TECRL: variants seen among roughly 807,000 people sequenced by gnomAD.
TECRL encodes the protein trans-2,3-enoyl-CoA reductase-like.
A neutral mutation model predicts 52.8 loss-of-function variants in TECRL; 63 were observed. The ratio of observed to expected loss-of-function variants is 1.19; its 90% CI spans 0.97 to 1.47. The LOEUF (loss-of-function observed/expected upper bound fraction) is 1.47, where lower values mean the gene tolerates loss of function less well. Ranked by LOEUF, TECRL falls within the 40% of genes most tolerant of loss-of-function variation. The probability of loss-of-function intolerance (pLI) is 0.00; values close to 1 mark genes in which losing one functional copy is unlikely to be tolerated. For synonymous variants in TECRL, 164 were observed against 141.9 expected (o/e 1.16, Z -1.10); for missense variants, 482 against 429.6 (o/e 1.12, Z -1.08).
chr4:64,293,597 A>G (rs17653363), intron 8 of TECRL, among the ~76,000 whole-genome samples: 2,336 of 152,210 alleles, frequency 0.015, 29 homozygotes, highest in Middle Eastern at 0.037. Flanking sequence ...CCAATTACCA[A>G]TGACTAAAGC....
At chr4:64,357,639 T>A (rs1277012129) in intron 2 of TECRL, among the ~76,000 whole-genome samples, 1 of 151,604 alleles carries the variant, frequency 6.6e-6, no homozygotes, top group Non-Finnish European at 1.5e-5. Flanking sequence ...GAGAATTTTA[T>A]TCATTCTTTA....
Position 64,382,273 on chromosome 4 carries a change from ATATAT to A in TECRL, c.235-7055_235-7051del, listed in dbSNP as rs1199443412. Among the ~76,000 whole-genome samples, 272 of 144,484 alleles carry A rather than the reference ATATAT, an allele frequency of 1.9e-3. 2 individuals are homozygous for A. The highest frequency in any genetic ancestry group is 4.7e-3 in the African/African-American group (186 of 39,162). 94.8% of individuals were successfully genotyped at this position (144,484 alleles called of 152,430 possible). A position where few individuals can be genotyped will look rare whatever the true frequency, so the allele number is the denominator to read the frequency against. On this transcript the variant is annotated intron_variant, in intron 1 of 11. Coordinates refer to ENST00000381210, the MANE Select transcript of TECRL (RefSeq NM_001010874.5). Reference sequence around the variant, plus strand: ...TATAATATATATTATGTTATATATTATATATTATATTATATTATATATTATACATT... The same window carrying A: ...TATAATATATATTATGTTATATATTATATATTATATTATATATTATACATT...
chr4:64,300,372 A>G (rs930157214), intron 7 of TECRL, among the ~76,000 whole-genome samples: 2 of 150,948 alleles, frequency 1.3e-5, no homozygotes, highest in Non-Finnish European at 3.0e-5. Context: ...AATGTTTAAC[A>G]ATAAAAAGGA....
In TECRL at chr4:64,289,738, A is replaced by G; in HGVS notation, c.804T>C (p.Asn268=). Residue 268 remains asparagine (N), a synonymous_variant, in exon 9 of 12, where the codon AAT becomes AAC. Transcript: ENST00000381210. The part of the protein sequence containing the change: ...LICEAGNHFI[N]VMLSHPNHTG... ...TGTGATTGGGATGAGACAACATTAC[A>G]TTGATGAAATGATTCCCAGCTTCAC... 6.4e-7 allele frequency: 1 copy of G among 1,550,686 alleles called. No individual in the cohort carries two copies. Among genetic ancestry groups the G allele is most frequent in the Non-Finnish European group, 8.6e-7 (1 of 1,157,868 alleles).
At chr4:64,323,043 C>T (rs1268143032) in intron 3 of TECRL, among the ~76,000 whole-genome samples, 1 of 152,014 alleles carries the variant, frequency 6.6e-6, no homozygotes, top group African/African-American at 2.4e-5. Context: ...AGTTACTATC[C>T]TATTATTTCT....
intron 6 of TECRL, 125 bp downstream of exon 6, chr4:64,309,701 T>A: frequency 1.4e-6 from 1 of 711,484 alleles, no homozygotes. Flanking sequence ...AAAGAATGTT[T>A]AAGTATGCTT....
chr4:64,285,596 A>T (rs1723039717), intron 9 of TECRL, among the ~76,000 whole-genome samples: 1 of 152,142 alleles, frequency 6.6e-6, no homozygotes, highest in Non-Finnish European at 1.5e-5. Context: ...CTGACACAGG[A>T]ACTGATAAAG....
intron 1 of TECRL, among the ~76,000 whole-genome samples, chr4:64,401,411 A>T (rs1224425779): frequency 6.6e-6 from 1 of 152,102 alleles, no homozygotes; most frequent in African/African-American, 2.4e-5. Flanking sequence ...GACCTCAACC[A>T]GGCTAATGTT....
At chr4:64,316,219 T>C (rs1177797420) in intron 4 of TECRL, among the ~76,000 whole-genome samples, 2 of 152,130 alleles carry the variant, frequency 1.3e-5, no homozygotes, top group Non-Finnish European at 2.9e-5. Context: ...CAAGTGTCAA[T>C]CTTTATTAAC....
intron 1 of TECRL, among the ~76,000 whole-genome samples, chr4:64,408,036 T>C (rs1407882428): frequency 6.6e-6 from 1 of 151,758 alleles, no homozygotes; most frequent in Non-Finnish European, 1.5e-5. Flanking sequence ...TTTAGTTCAA[T>C]TCATGACCTG....
intron 2 of TECRL, among the ~76,000 whole-genome samples, chr4:64,347,815 C>T (rs1039780456): frequency 1.3e-5 from 2 of 152,084 alleles, no homozygotes; most frequent in African/African-American, 2.4e-5. Flanking sequence ...TGGGTTGGGA[C>T]ACAGAGCCAA....
intron 2 of TECRL, among the ~76,000 whole-genome samples, chr4:64,335,546 T>A (rs1404515128): frequency 6.6e-6 from 1 of 152,216 alleles, no homozygotes; most frequent in Non-Finnish European, 1.5e-5. Context: ...AACCACTCCC[T>A]ACATCCCCTG....
chr4:64,326,539 G>A lies in TECRL; in HGVS notation c.331+1973C>T, dbSNP rs138496548. Among the ~76,000 whole-genome samples the A allele has an allele frequency of 4.1e-3, 619 of 152,162 alleles. 2 individuals are homozygous for A. The highest frequency in any genetic ancestry group is 6.9e-3 in the Non-Finnish European group (471 of 67,984). On this transcript the variant is annotated intron_variant, in intron 3 of 11. Transcript: ENST00000381210. ...AAACCTGGGCTTCAACAATTCTTTA[G>A]TACCTCTGCTCATTTTTATACCTCT...
intron 6 of TECRL, among the ~76,000 whole-genome samples, chr4:64,307,785 T>C (rs983203247): frequency 8.5e-5 from 13 of 152,162 alleles, no homozygotes; most frequent in African/African-American, 3.1e-4. Context: ...TGACCACTGC[T>C]GAGAAACAAG....
intron 2 of TECRL, among the ~76,000 whole-genome samples, chr4:64,341,355 C>T (rs1054839832): frequency 6.6e-6 from 1 of 152,108 alleles, no homozygotes; most frequent in African/African-American, 2.4e-5. Context: ...AATCTCAGCA[C>T]TTTGGGAGGT....
intron 2 of TECRL, among the ~76,000 whole-genome samples, chr4:64,368,305 G>A (rs1309304921): frequency 6.6e-6 from 1 of 151,684 alleles, no homozygotes; most frequent in African/African-American, 2.4e-5. Flanking sequence ...TTGTTTGTTT[G>A]TTTGTTTGAG....
chr4:64,328,584 G>T, intron 2 of TECRL, 28 bp from the exon 3 acceptor site: 2 of 1,593,738 alleles, frequency 1.3e-6, no homozygotes, highest in Non-Finnish European at 1.7e-6. Flanking sequence ...ACATTTAATT[G>T]TCAGAAAAAG....
intron 2 of TECRL, among the ~76,000 whole-genome samples, chr4:64,334,023 T>G (rs1718852511): frequency 1.0e-4 from 1 of 9,608 alleles, no homozygotes; most frequent in Admixed American, 2.4e-3. Context: ...AGAGCGAGAC[T>G]CCGTCTCAAA....
rs377725676 is a variant in TECRL at position 64,355,856 on chromosome 4, G to A, written c.286+19316C>T. Among the ~76,000 whole-genome samples, 47 of 151,856 alleles carry A rather than the reference G, an allele frequency of 3.1e-4. No homozygotes were observed. In the South Asian group the frequency reaches 8.8e-3, roughly 28 times the overall value. ...AAAATATTTTAAAAATATATACATG[G>A]TATGGAGTTTCTGAAAACAATTGTA... On this transcript the variant is annotated intron_variant, in intron 2 of 11. Coordinates refer to ENST00000381210, the MANE Select transcript of TECRL (RefSeq NM_001010874.5).
Sources: allele counts gnomAD v4.1 joint callset (sites outside exome capture counted in the v4.1 genomes callset), GRCh38; gene constraint gnomAD v4.1.1; transcripts MANE v1.5; gene names NCBI Gene and HGNC (gene_info 2026-07-23, HGNC 2026-07-21).